Variants in EML5 observed in about 807,000 individuals in gnomAD.
EML5 encodes the protein echinoderm microtubule-associated protein-like 5.
A neutral mutation model predicts 250.0 loss-of-function variants in EML5; 120 were observed. The ratio of observed to expected loss-of-function variants is 0.48; its 90% CI spans 0.41 to 0.56. The LOEUF (loss-of-function observed/expected upper bound fraction) is 0.56, where lower values mean the gene tolerates loss of function less well. Among genes scored for constraint, EML5 ranks in the 20% least tolerant of loss-of-function variants. The probability of loss-of-function intolerance (pLI) is 0.00; values close to 1 mark genes in which losing one functional copy is unlikely to be tolerated. For synonymous variants in EML5, 771 were observed against 806.5 expected (o/e 0.96, Z 0.75); for missense variants, 2,006 against 2,437.6 (o/e 0.82, Z 3.73).
intron 8 of EML5, among the ~76,000 whole-genome samples, chr14:88,715,660 CTTT>C (rs1020317324): frequency 3.5e-5 from 5 of 141,634 alleles, no homozygotes; most frequent in Non-Finnish European, 4.7e-5. Context: ...TTCAGTAATA[CTTT>C]TTTTTTTTTT....
At chr14:88,660,442 G>T (rs1337033961) in intron 25 of EML5, among the ~76,000 whole-genome samples, 2 of 152,002 alleles carry the variant, frequency 1.3e-5, no homozygotes, top group Admixed American at 6.6e-5. Context: ...TAGGTACGTA[G>T]AATGCCAAAG....
intron 1 of EML5, among the ~76,000 whole-genome samples, chr14:88,781,208 T>C (rs2094494567): frequency 6.6e-6 from 1 of 152,210 alleles, no homozygotes; most frequent in South Asian, 2.1e-4. Flanking sequence ...TACAAAGTGA[T>C]AAATCCTTTT....
chr14:88,670,901 C>T (rs980912449), intron 21 of EML5, among the ~76,000 whole-genome samples: 2 of 151,934 alleles, frequency 1.3e-5, no homozygotes, highest in Non-Finnish European at 2.9e-5. Context: ...TGAGCAAAAC[C>T]TCTGAGAACT....
At chr14:88,660,853 C>A (rs746160388) in intron 25 of EML5, among the ~76,000 whole-genome samples, 2 of 151,654 alleles carry the variant, frequency 1.3e-5, no homozygotes, top group Non-Finnish European at 2.9e-5. Flanking sequence ...TTAAAATGCA[C>A]ATATATTCTG....
In EML5 at chr14:88,661,845, C is replaced by T. The variant is rs754874082; in HGVS notation, c.3499-15G>A. 1.9e-6 allele frequency: 3 copies of T among 1,600,342 alleles called. No individual in the cohort carries two copies. The Admixed American group carries it at 5.1e-5, about 27-fold the overall frequency. On this transcript the variant is annotated splice_polypyrimidine_tract_variant and intron_variant, in intron 24 of 43. Transcript: ENST00000554922. ...ATTTTTTCTACCTAAAAATGAAAAA[C>T]AATGCTGTAAGTTTGGATTATCCAA...
intron 28 of EML5, among the ~76,000 whole-genome samples, chr14:88,647,687 C>CAAAAAAAAA (rs34191990): frequency 2.7e-4 from 13 of 48,750 alleles, no homozygotes; most frequent in Admixed American, 9.3e-4. Context: ...GAGACCGTCT[C>CAAAAAAAAA]AAAAAAAAAA....
chr14:88,772,041 TAAAGAGAA>T (rs2094398599), intron 1 of EML5, among the ~76,000 whole-genome samples: 1 of 152,250 alleles, frequency 6.6e-6, no homozygotes, highest in Non-Finnish European at 1.5e-5. Context: ...TAACTCATCC[TAAAGAGAA>T]TCTGATTTCC....
At chr14:88,624,726 T>G in intron 36 of EML5, 1 of 451,832 alleles carries the variant, frequency 2.2e-6, no homozygotes, top group Non-Finnish European at 3.9e-6. Flanking sequence ...ACTCAACTTG[T>G]AGGACAACTA....
At chr14:88,621,824 A>G (rs778935987) in intron 37 of EML5, 1 of 453,590 alleles carries the variant, frequency 2.2e-6, no homozygotes, top group Non-Finnish European at 4.4e-6. Context: ...TATAGGGCAT[A>G]GGGTAATACG....
At position 88,613,603 on chromosome 14, in the gene EML5, A is replaced by G. The variant is rs2087161809; in HGVS notation, c.*2215T>C. 6.6e-6 allele frequency: 1 copy of G among 152,188 alleles called. No individual in the cohort carries two copies. Among genetic ancestry groups the G allele is most frequent in the Non-Finnish European group, 1.5e-5 (1 of 68,022 alleles). The allele number at this position is 152,188 out of a possible 1,614,324, so 9.4% of individuals were successfully genotyped here. The stretch of plus-strand genomic sequence containing the variant: ...GCTTATGAACAAGCTAAGGTTGACC[A>G]TAAAACATTTGTTGGATGACGTGGT... On this transcript the variant is annotated 3_prime_UTR_variant, in exon 44 of 44. Transcript: ENST00000554922.
chr14:88,745,483 T>A (rs551229950), intron 3 of EML5, among the ~76,000 whole-genome samples: 2 of 152,210 alleles, frequency 1.3e-5, no homozygotes, highest in Admixed American at 6.6e-5. Flanking sequence ...GAATGAGGAA[T>A]ATATATTCTA....
intron 7 of EML5, among the ~76,000 whole-genome samples, chr14:88,727,273 T>C (rs2093680657): frequency 6.6e-6 from 1 of 152,156 alleles, no homozygotes; most frequent in Admixed American, 6.5e-5. Context: ...CACATAGCGG[T>C]CAAAATTCTG....
intron 10 of EML5, among the ~76,000 whole-genome samples, chr14:88,711,942 CAAAA>C (rs796154018): frequency 1.0e-5 from 1 of 97,146 alleles, no homozygotes. Context: ...GACCCTGTCT[CAAAA>C]AAAAAAAAAA....
chr14:88,674,493 A>T (rs2092548947), intron 21 of EML5, among the ~76,000 whole-genome samples: 1 of 152,018 alleles, frequency 6.6e-6, no homozygotes, highest in Admixed American at 6.6e-5. Context: ...ATGTCGTGAG[A>T]CTCACTATCA....
At chr14:88,699,983 CAT>C (rs1002770841) in intron 14 of EML5, among the ~76,000 whole-genome samples, 5 of 152,094 alleles carry the variant, frequency 3.3e-5, no homozygotes, top group African/African-American at 1.2e-4. Flanking sequence ...TACACACACA[CAT>C]ACATATACAC....
At chr14:88,753,727 AT>A (rs1360547997) in intron 2 of EML5, among the ~76,000 whole-genome samples, 2 of 152,252 alleles carry the variant, frequency 1.3e-5, no homozygotes, top group Non-Finnish European at 2.9e-5. Context: ...CAGTTGAATG[AT>A]AATTATATCC....
At chr14:88,638,732 T>C in intron 32 of EML5, 77 bp downstream of exon 32, 1 of 1,288,720 alleles carries the variant, frequency 7.8e-7, no homozygotes, top group Non-Finnish European at 1.1e-6. Context: ...AAAATTTTGA[T>C]TTTTTCCTTG....
At chr14:88,648,185 T>C (rs1178276370) in intron 28 of EML5, among the ~76,000 whole-genome samples, 1 of 152,178 alleles carries the variant, frequency 6.6e-6, no homozygotes, top group East Asian at 1.9e-4. Context: ...GGAACCTTCT[T>C]TACATGTCTA....
At chr14:88,697,217 T>C (rs79987917) in intron 14 of EML5, among the ~76,000 whole-genome samples, 1,613 of 152,312 alleles carry the variant, frequency 0.011, 34 homozygotes, top group African/African-American at 0.036. Context: ...ATAAAGATGA[T>C]AAATGCTTAC....
Sources: allele counts gnomAD v4.1 joint callset (sites outside exome capture counted in the v4.1 genomes callset), GRCh38; gene constraint gnomAD v4.1.1; transcripts MANE v1.5; gene names NCBI Gene and HGNC (gene_info 2026-07-23, HGNC 2026-07-21).